The following NPHP4 variants were observed in gnomAD, a reference collection of about 807,000 sequenced individuals.
The protein encoded by NPHP4 is nephrocystin-4.
A neutral mutation model predicts 155.8 loss-of-function variants in NPHP4; 151 were observed. The observed-to-expected ratio is 0.97, with a 90% CI of 0.85 to 1.11. NPHP4 has a LOEUF of 1.11. NPHP4 is among the 50% of genes least tolerant of loss of function. The pLI is 0.00. For synonymous variants in NPHP4, 845 were observed against 816.8 expected (o/e 1.03, Z -0.59); for missense variants, 1,956 against 1,925.7 (o/e 1.02, Z -0.29).
intron 23 of NPHP4, among the ~76,000 whole-genome samples, chr1:5,868,902 A>T (rs920252593): frequency 8.4e-5 from 12 of 142,634 alleles, no homozygotes; most frequent in African/African-American, 2.9e-4. Context: ...GCACGCCCAC[A>T]TGCATGCACC....
At chr1:5,902,604 T>C (rs1011464404) in intron 16 of NPHP4, among the ~76,000 whole-genome samples, 3 of 152,212 alleles carry the variant, frequency 2.0e-5, no homozygotes, top group African/African-American at 7.2e-5. Context: ...TCAAATTTTT[T>C]TCCTTCTACT....
intron 11 of NPHP4, 21 bp from the exon 12 acceptor site, chr1:5,909,234 G>T: frequency 6.3e-7 from 1 of 1,590,758 alleles, no homozygotes; most frequent in South Asian, 1.1e-5. Context: ...GCACAGTGGG[G>T]TAGGAGAGGG....
Position 5,874,644 on chromosome 1 carries a change from T to G in NPHP4, c.3058A>C (p.Ser1020Arg), listed in dbSNP as rs759848280. ...CCCTTGAAGTCCCTCCACTCCTGAC[T>G]GTCCACGATGACGCTGGGGGAGGCA... The part of the protein sequence containing the change: ...DNPELSVIVD[S>R]QEWRDFKGAA... Residue 1020 changes from serine (S) to arginine (R), a missense_variant, in exon 22 of 30, where the codon AGT becomes CGT. By Grantham distance (110) the Ser-to-Arg change is moderately radical. Transcript: ENST00000378156. The G allele has an allele frequency of 1.4e-5, 22 of 1,611,784 alleles. 1 individual carries two copies. The South Asian group carries it at 2.4e-4, about 18-fold the overall frequency.
intron 3 of NPHP4, among the ~76,000 whole-genome samples, chr1:5,976,571 C>A (rs1327606634): frequency 1.3e-5 from 2 of 152,256 alleles, no homozygotes; most frequent in East Asian, 1.9e-4. Flanking sequence ...TCTAAGGGTT[C>A]ATCCGCAGTC....
At chr1:5,931,754 A>C (rs1224627562) in intron 10 of NPHP4, among the ~76,000 whole-genome samples, 1 of 151,520 alleles carries the variant, frequency 6.6e-6, no homozygotes, top group Non-Finnish European at 1.5e-5. Flanking sequence ...AAAAAAAAAA[A>C]AAAACTTTCT....
chr1:5,978,436 C>G (rs747707344), intron 2 of NPHP4, 23 bp from the exon 3 acceptor site: 5 of 1,591,226 alleles, frequency 3.1e-6, no homozygotes, highest in Non-Finnish European at 3.4e-6. Context: ...GGGGAATTGA[C>G]CCTCAAGAGT....
At chr1:5,883,483 T>G (rs1643490773) in intron 18 of NPHP4, among the ~76,000 whole-genome samples, 1 of 152,214 alleles carries the variant, frequency 6.6e-6, no homozygotes, top group Non-Finnish European at 1.5e-5. Context: ...TGTGTGTTTC[T>G]TCCCACGGGA....
chr1:5,954,706 T>C (rs916734389), intron 6 of NPHP4, among the ~76,000 whole-genome samples: 2 of 152,168 alleles, frequency 1.3e-5, no homozygotes, highest in Admixed American at 6.5e-5. Context: ...TCAAAATAGA[T>C]TGAAGACTTA....
At position 5,986,240 on chromosome 1, in the gene NPHP4, T is replaced by C. The variant is rs753940845; in HGVS notation, c.50A>G (p.His17Arg). Reference sequence around the variant, plus strand: ...CCAAGGCTGGCGCGCTCTCTGTGGGTGGGGAGGGACAAGCACGTTTTGGGT... The same window carrying C: ...CCAAGGCTGGCGCGCTCTCTGTGGGCGGGGAGGGACAAGCACGTTTTGGGT... ...IFTQNVLVPP[H>R]PQRARQPWKE... The change falls in exon 2 of 30, where the codon CAC (histidine) becomes CGC (arginine). Residue 17 changes from histidine to arginine, a missense_variant. Coordinates refer to ENST00000378156, the MANE Select transcript of NPHP4 (RefSeq NM_015102.5). 2 of 1,613,686 alleles carry C rather than the reference T, an allele frequency of 1.2e-6. No homozygotes were observed. Among genetic ancestry groups the C allele is most frequent in the South Asian group, 2.2e-5 (2 of 91,002 alleles).
At chr1:5,982,563 CTTTGTATCTAATTTGTTCCTTTATTTAGG>C (rs1422760650) in intron 2 of NPHP4, among the ~76,000 whole-genome samples, 2 of 152,176 alleles carry the variant, frequency 1.3e-5, no homozygotes, top group Non-Finnish European at 2.9e-5. Context: ...CTTCTAGTTA[CTTTGTATCTAATTTGTTCCTTTATTTAGG>C]TTTGTATCTA....
intron 7 of NPHP4, among the ~76,000 whole-genome samples, chr1:5,949,450 G>A (rs1647507463): frequency 6.6e-6 from 1 of 151,490 alleles, no homozygotes; most frequent in South Asian, 2.1e-4. Context: ...CCTCCTATGT[G>A]CCAAACACCG....
At chr1:5,958,620 G>A (rs1020757962) in intron 6 of NPHP4, among the ~76,000 whole-genome samples, 6 of 151,872 alleles carry the variant, frequency 4.0e-5, no homozygotes, top group Non-Finnish European at 7.4e-5. Flanking sequence ...ACTTGAACCC[G>A]GAAGGCGGAG....
chr1:5,865,228 G>A lies in NPHP4; in HGVS notation c.3690C>T (p.Leu1230=), dbSNP rs1350029748. The A allele has an allele frequency of 6.3e-7, 1 of 1,596,474 alleles. No individual in the cohort carries two copies. The highest frequency in any genetic ancestry group is 1.1e-5 in the South Asian group (1 of 89,970). ...AGACATCCACGCGCTGCAGGGAGTG[G>A]AGGTAGACCTGCCACGTCTGTGTGG... The part of the protein sequence containing the change: ...ATPTQTWQVY[L]HSLQRVDVSC... The change falls in exon 27 of 30, where the codon CTC becomes CTT. Residue 1230 remains leucine (L), a synonymous_variant. Transcript: ENST00000378156.
chr1:5,886,905 C>A (rs953768941), intron 18 of NPHP4: 3 of 191,792 alleles, frequency 1.6e-5, no homozygotes, highest in African/African-American at 4.7e-5. Flanking sequence ...CTCCTCCTCC[C>A]GGGCTGCAGG....
At chr1:5,879,709 G>C (rs572647459) in intron 19 of NPHP4, 1 of 460,722 alleles carries the variant, frequency 2.2e-6, no homozygotes, top group Non-Finnish European at 4.3e-6. Flanking sequence ...CCAGGGCACC[G>C]AGCTGCATAT....
intron 27 of NPHP4, chr1:5,864,747 G>T (rs766842564): frequency 3.7e-6 from 2 of 541,824 alleles, no homozygotes; most frequent in Non-Finnish European, 6.5e-6. Flanking sequence ...CGCTGCCTCC[G>T]CAGACAGAAC....
chr1:5,985,106 G>A (rs1655274194), intron 2 of NPHP4, among the ~76,000 whole-genome samples: 1 of 152,320 alleles, frequency 6.6e-6, no homozygotes, highest in South Asian at 2.1e-4. Flanking sequence ...CTCAATCCAA[G>A]GGCTTGGAAT....
chr1:5,964,894 A>G (rs1384938360), intron 5 of NPHP4, among the ~76,000 whole-genome samples: 1 of 139,746 alleles, frequency 7.2e-6, no homozygotes, highest in Non-Finnish European at 1.5e-5. Context: ...TATACTATAT[A>G]TAAAATATAT....
chr1:5,966,997 T>G (rs1570680723), intron 5 of NPHP4, among the ~76,000 whole-genome samples: 1 of 152,208 alleles, frequency 6.6e-6, no homozygotes, highest in South Asian at 2.1e-4. Flanking sequence ...CGGTGGCTGG[T>G]GACAGAGAGC....
Sources: gnomAD v4.1 joint callset for allele counts (sites outside exome capture counted in the v4.1 genomes callset) on GRCh38, gnomAD v4.1.1 for gene constraint, MANE v1.5 for transcripts, NCBI Gene and HGNC (gene_info 2026-07-23, HGNC 2026-07-21) for gene names.